Variants in MBD5 observed in about 807,000 individuals in gnomAD.
MBD5 encodes methyl-CpG binding domain protein 5.
MBD5 carries 13 observed loss-of-function variants against 117.3 expected under a neutral mutation model. The observed-to-expected ratio is 0.11, with a 90% CI of 0.07 to 0.18. MBD5 has a LOEUF of 0.18. MBD5 is among the 10% of genes least tolerant of loss of function. The probability of loss-of-function intolerance (pLI) is 1.00; values close to 1 mark genes in which losing one functional copy is unlikely to be tolerated. For synonymous variants in MBD5, 727 were observed against 766.4 expected (o/e 0.95, Z 0.85); for missense variants, 1,879 against 2,093.8 (o/e 0.90, Z 2.00).
At chr2:148,230,092 C>T (rs1462318707) in intron 2 of MBD5, among the ~76,000 whole-genome samples, 1 of 152,186 alleles carries the variant, frequency 6.6e-6, no homozygotes, top group East Asian at 1.9e-4. Context: ...GCTCAACAAT[C>T]AGCAGGTGAC....
rs115136763 is a variant in MBD5 at position 148,511,935 on chromosome 2, G to A, written c.5113-935G>A. Among the ~76,000 whole-genome samples, 9 of 152,290 alleles carry A rather than the reference G, an allele frequency of 5.9e-5. 1 individual carries two copies. The highest frequency in any genetic ancestry group is 2.6e-4 in the Admixed American group (4 of 15,294). On this transcript the variant is annotated intron_variant, in intron 13 of 13. Coordinates refer to ENST00000642680, the MANE Select transcript of MBD5 (RefSeq NM_001378120.1). ...AATTGAGCCAACTTGTAGTGGATCC[G>A]GAGAGGCGATTGTACTCATCTCTTC...
chr2:148,389,896 A>AT (rs936941118), intron 4 of MBD5, among the ~76,000 whole-genome samples: 9 of 151,148 alleles, frequency 6.0e-5, no homozygotes, highest in African/African-American at 1.7e-4. Flanking sequence ...CTCTTTGTTG[A>AT]TTTTTTCTTT....
chr2:148,310,071 A>G (rs1559016481), intron 3 of MBD5, among the ~76,000 whole-genome samples: 1 of 152,166 alleles, frequency 6.6e-6, no homozygotes, highest in Non-Finnish European at 1.5e-5. Flanking sequence ...GGATTTTTGC[A>G]TTGATGTTCA....
chr2:148,330,042 CGCCCCCCCCACA>C (rs1702595239), intron 3 of MBD5, among the ~76,000 whole-genome samples: 1 of 17,412 alleles, frequency 5.7e-5, no homozygotes, highest in Non-Finnish European at 1.2e-4. Flanking sequence ...AACCCCCCCC[CGCCCCCCCCACA>C]CACACACACA....
intron 1 of MBD5, among the ~76,000 whole-genome samples, chr2:148,043,279 AT>A (rs200725796): frequency 4.7e-5 from 7 of 149,326 alleles, no homozygotes; most frequent in Admixed American, 6.7e-5. Flanking sequence ...CAAAAAAAAA[AT>A]AAAAAAATAA....
intron 4 of MBD5, among the ~76,000 whole-genome samples, chr2:148,401,222 C>T (rs1231927812): frequency 6.6e-6 from 1 of 152,146 alleles, no homozygotes; most frequent in African/African-American, 2.4e-5. Context: ...AGCTTGCTTT[C>T]ACTGCCTTCC....
intron 2 of MBD5, among the ~76,000 whole-genome samples, chr2:148,201,154 C>T (rs1699129416): frequency 6.6e-6 from 1 of 152,194 alleles, no homozygotes; most frequent in South Asian, 2.1e-4. Context: ...GCCTGGCTTG[C>T]CCCCCAGCAT....
chr2:148,040,336 T>G (rs1324877052), intron 1 of MBD5, among the ~76,000 whole-genome samples: 1 of 152,000 alleles, frequency 6.6e-6, no homozygotes, highest in Non-Finnish European at 1.5e-5. Flanking sequence ...CAGCCTTTCA[T>G]AAAAAAATCC....
chr2:148,396,741 CTG>C (rs894905399), intron 4 of MBD5, among the ~76,000 whole-genome samples: 2 of 152,192 alleles, frequency 1.3e-5, no homozygotes, highest in African/African-American at 4.8e-5. Context: ...GTGAGTGAGA[CTG>C]GGGTATTCTT....
At chr2:148,287,299 A>C (rs1024587886) in intron 3 of MBD5, among the ~76,000 whole-genome samples, 2 of 152,230 alleles carry the variant, frequency 1.3e-5, no homozygotes, top group Non-Finnish European at 2.9e-5. Flanking sequence ...ATAGGCATAG[A>C]TAGCATCCCA....
chr2:148,257,166 A>G (rs556871284), intron 3 of MBD5, among the ~76,000 whole-genome samples: 1 of 152,310 alleles, frequency 6.6e-6, no homozygotes, highest in East Asian at 1.9e-4. Flanking sequence ...GCACTGCCAC[A>G]GGCCCCAAAC....
At chr2:148,460,431 G>A (rs1319064817) in intron 5 of MBD5, among the ~76,000 whole-genome samples, 1 of 152,056 alleles carries the variant, frequency 6.6e-6, no homozygotes, top group African/African-American at 2.4e-5. Flanking sequence ...TCCTAGATTA[G>A]GTAAAACACT....
intron 1 of MBD5, among the ~76,000 whole-genome samples, chr2:148,172,327 C>T (rs1475364411): frequency 2.6e-5 from 4 of 152,228 alleles, no homozygotes; most frequent in African/African-American, 9.6e-5. Flanking sequence ...GCTCCCGGTG[C>T]CTGCTCCCAT....
intron 4 of MBD5, among the ~76,000 whole-genome samples, chr2:148,439,446 G>T (rs911439015): frequency 6.6e-6 from 1 of 151,994 alleles, no homozygotes; most frequent in Non-Finnish European, 1.5e-5. Flanking sequence ...TTAAGTTTTG[G>T]GTGGTTCTGG....
At chr2:148,481,277 G>A (rs1380262296) in intron 8 of MBD5, among the ~76,000 whole-genome samples, 1 of 151,892 alleles carries the variant, frequency 6.6e-6, no homozygotes, top group Non-Finnish European at 1.5e-5. Flanking sequence ...ATATAAATAC[G>A]AAGTCTATTT....
intron 1 of MBD5, among the ~76,000 whole-genome samples, chr2:148,169,483 G>A (rs1430345503): frequency 6.6e-6 from 1 of 152,094 alleles, no homozygotes; most frequent in African/African-American, 2.4e-5. Context: ...CAAGGTGTTT[G>A]CATACAAGTT....
intron 3 of MBD5, among the ~76,000 whole-genome samples, chr2:148,265,333 T>A (rs552384879): frequency 1.4e-3 from 217 of 152,316 alleles, no homozygotes; most frequent in Non-Finnish European, 2.7e-3. Flanking sequence ...TACATAGAAA[T>A]GAACTCTTTA....
At chr2:148,087,262 C>T (rs539155686) in intron 1 of MBD5, among the ~76,000 whole-genome samples, 5 of 152,314 alleles carry the variant, frequency 3.3e-5, no homozygotes, top group Non-Finnish European at 7.3e-5. Context: ...GGCTGGAGGC[C>T]AACCAACTCA....
At chr2:148,279,789 T>A (rs1319286118) in intron 3 of MBD5, among the ~76,000 whole-genome samples, 1 of 152,188 alleles carries the variant, frequency 6.6e-6, no homozygotes, top group Non-Finnish European at 1.5e-5. Context: ...CTTTCTTTTT[T>A]AAGAAGTGTA....
Sources: gnomAD v4.1 joint callset for allele counts (sites outside exome capture counted in the v4.1 genomes callset) on GRCh38, gnomAD v4.1.1 for gene constraint, MANE v1.5 for transcripts, NCBI Gene and HGNC (gene_info 2026-07-23, HGNC 2026-07-21) for gene names.